Variants in UBE2E3 observed in about 807,000 individuals in gnomAD.
UBE2E3 encodes ubiquitin conjugating enzyme E2 E3.
In UBE2E3, 5 loss-of-function variants were observed where a neutral mutation model predicts 23.6. The ratio of observed to expected loss-of-function variants is 0.21; its 90% CI spans 0.11 to 0.44. UBE2E3 has a LOEUF of 0.44. UBE2E3 is among the 20% of genes least tolerant of loss of function. The pLI is 0.99. For synonymous variants in UBE2E3, 78 were observed against 87.5 expected (o/e 0.89, Z 0.60); for missense variants, 81 against 249.8 (o/e 0.32, Z 4.55).
chr2:181,055,988 T>G (rs1383139649), intron 3 of UBE2E3, among the ~76,000 whole-genome samples: 2 of 151,568 alleles, frequency 1.3e-5, no homozygotes, highest in African/African-American at 4.8e-5. Context: ...TCTTGGTTTT[T>G]CTTACAACAT....
At chr2:181,043,759 A>G (rs1406123017) in intron 3 of UBE2E3, among the ~76,000 whole-genome samples, 2 of 152,174 alleles carry the variant, frequency 1.3e-5, no homozygotes, top group East Asian at 1.9e-4. Flanking sequence ...TGTTTACACA[A>G]TATGATTACT....
chr2:181,037,742 G>A (rs79509372), intron 3 of UBE2E3, among the ~76,000 whole-genome samples: 5,967 of 152,176 alleles, frequency 0.039, 220 homozygotes, highest in African/African-American at 0.094. Context: ...GTTAAGGGGG[G>A]AGGATTATTT....
intron 3 of UBE2E3, among the ~76,000 whole-genome samples, chr2:181,005,571 C>T (rs192496173): frequency 7.9e-4 from 121 of 152,218 alleles, no homozygotes; most frequent in African/African-American, 2.7e-3. Flanking sequence ...ATCTATTTCT[C>T]CATAGTCCTT....
chr2:181,007,364 T>C (rs1685183909), intron 3 of UBE2E3, among the ~76,000 whole-genome samples: 1 of 152,224 alleles, frequency 6.6e-6, no homozygotes, highest in Non-Finnish European at 1.5e-5. Context: ...CGCAATTACT[T>C]AGCCCTACAT....
intron 3 of UBE2E3, among the ~76,000 whole-genome samples, chr2:180,995,898 A>G (rs992325430): frequency 1.3e-5 from 2 of 152,094 alleles, no homozygotes; most frequent in East Asian, 3.8e-4. Context: ...ACAGAAACTT[A>G]TTCTCATCTC....
chr2:181,031,095 CTAAG>C (rs1363919529), intron 3 of UBE2E3, among the ~76,000 whole-genome samples: 2 of 152,068 alleles, frequency 1.3e-5, no homozygotes, highest in African/African-American at 2.4e-5. Context: ...ACATTTACCT[CTAAG>C]TACTGATTTT....
intron 2 of UBE2E3, 44 bp downstream of exon 2, chr2:180,982,280 T>A (rs111766603): frequency 6.4e-7 from 1 of 1,566,824 alleles, no homozygotes; most frequent in South Asian, 1.2e-5. Flanking sequence ...TCAGGTTGTC[T>A]TCCAGGTGGT....
chr2:181,001,428 C>T (rs919895796), intron 3 of UBE2E3, among the ~76,000 whole-genome samples: 1 of 152,060 alleles, frequency 6.6e-6, no homozygotes, highest in African/African-American at 2.4e-5. Context: ...CAGAAGTCCT[C>T]CACCCCCCAC....
Position 180,982,245 on chromosome 2 carries a change from T to TA in UBE2E3, c.194+13dup, listed in dbSNP as rs763204892. ...TCCACTAGTGCTAAAAGGTAATGTG[T>TA]AAAAGAAGGATCCAGCACACTTTGT... On this transcript the variant is annotated intron_variant, in intron 2 of 5. Coordinates refer to ENST00000410062, the MANE Select transcript of UBE2E3 (RefSeq NM_006357.4). The TA allele has an allele frequency of 3.7e-6, 6 of 1,610,186 alleles. No homozygotes were observed. Among genetic ancestry groups the TA allele is most frequent in the Middle Eastern group, 1.7e-4 (1 of 6,032 alleles).
intron 3 of UBE2E3, among the ~76,000 whole-genome samples, chr2:180,993,627 C>G (rs1367748558): frequency 1.3e-5 from 2 of 152,128 alleles, no homozygotes; most frequent in African/African-American, 4.8e-5. Context: ...TTTATAAACA[C>G]TGTTTATTCC....
rs974104918 is a variant in UBE2E3 at position 181,011,515 on chromosome 2, A to G, written c.245+27422A>G. Among the ~76,000 whole-genome samples the G allele has an allele frequency of 5.9e-5, 9 of 152,076 alleles. 1 individual carries two copies. Among genetic ancestry groups the G allele is most frequent in the Admixed American group, 5.9e-4 (9 of 15,258 alleles). On this transcript the variant is annotated intron_variant, in intron 3 of 5. Transcript: ENST00000410062. ...GCCTGAGTTTTGGAGGGGACATTCA[A>G]CCCATATAACAAGTCCAGTACTCTT...
At chr2:181,030,888 T>G (rs1227827858) in intron 3 of UBE2E3, among the ~76,000 whole-genome samples, 1 of 152,134 alleles carries the variant, frequency 6.6e-6, no homozygotes, top group African/African-American at 2.4e-5. Flanking sequence ...GTTTTATTAG[T>G]CTTGACCCAA....
At chr2:181,010,506 G>A (rs868761894) in intron 3 of UBE2E3, among the ~76,000 whole-genome samples, 1 of 152,090 alleles carries the variant, frequency 6.6e-6, no homozygotes, top group African/African-American at 2.4e-5. Context: ...GGAAATCAAA[G>A]GGATATTTGC....
chr2:181,056,414 GT>G (rs1308674213), intron 3 of UBE2E3, among the ~76,000 whole-genome samples: 1 of 151,764 alleles, frequency 6.6e-6, no homozygotes, highest in Admixed American at 6.6e-5. Context: ...ATCTGCATCT[GT>G]TGAGGGCCTC....
intron 4 of UBE2E3, among the ~76,000 whole-genome samples, chr2:181,058,107 T>A (rs1173963578): frequency 1.4e-4 from 21 of 151,850 alleles, no homozygotes; most frequent in Admixed American, 1.4e-3. Flanking sequence ...GAAGATCCTA[T>A]GAACCTTCAT....
At chr2:181,033,643 C>G (rs1420791503) in intron 3 of UBE2E3, among the ~76,000 whole-genome samples, 4 of 152,162 alleles carry the variant, frequency 2.6e-5, no homozygotes, top group Non-Finnish European at 4.4e-5. Flanking sequence ...GTCTAAAACA[C>G]CAAAAGCAAT....
At chr2:181,003,298 T>C (rs890030091) in intron 3 of UBE2E3, among the ~76,000 whole-genome samples, 25 of 152,334 alleles carry the variant, frequency 1.6e-4, no homozygotes, top group African/African-American at 6.0e-4. Context: ...GCTAATAATG[T>C]ATTTCTAACT....
chr2:181,030,974 G>A (rs4667030), intron 3 of UBE2E3, among the ~76,000 whole-genome samples: 3 of 151,912 alleles, frequency 2.0e-5, no homozygotes, highest in South Asian at 2.1e-4. Flanking sequence ...ATACTATTAC[G>A]TTTGTTACCT....
At chr2:180,996,888 C>T (rs541755260) in intron 3 of UBE2E3, among the ~76,000 whole-genome samples, 13 of 152,164 alleles carry the variant, frequency 8.5e-5, no homozygotes, top group Non-Finnish European at 1.5e-4. Flanking sequence ...ATTTCTTCCT[C>T]TAGCCCTTTA....
Sources: gnomAD v4.1 joint callset for allele counts (sites outside exome capture counted in the v4.1 genomes callset) on GRCh38, gnomAD v4.1.1 for gene constraint, MANE v1.5 for transcripts, NCBI Gene and HGNC (gene_info 2026-07-23, HGNC 2026-07-21) for gene names.